ATP2B2: variants seen among roughly 807,000 people sequenced by gnomAD.
ATP2B2 encodes plasma membrane calcium-transporting ATPase 2.
Under a neutral mutation model 120.0 loss-of-function variants are expected in ATP2B2, and 15 were observed. That is an observed-to-expected ratio of 0.12 (90% confidence interval 0.08 to 0.19). The LOEUF is 0.19. Among genes scored for constraint, ATP2B2 ranks in the 10% least tolerant of loss-of-function variants. The pLI, the probability that ATP2B2 is intolerant of heterozygous loss-of-function variation, is 1.00. For synonymous variants in ATP2B2, 694 were observed against 700.3 expected, an observed-to-expected ratio of 0.99 and a Z score of 0.14; for missense variants, 1,045 against 1,719.8, an observed-to-expected ratio of 0.61 and a Z score of 6.94.
intron 1 of ATP2B2, among the ~76,000 whole-genome samples, chr3:10,675,985 T>C (rs1006879066): frequency 6.6e-6 from 1 of 152,210 alleles, no homozygotes; most frequent in African/African-American, 2.4e-5. Context: ...AAGCTTTCCC[T>C]TTGTGATTGG....
intron 1 of ATP2B2, among the ~76,000 whole-genome samples, chr3:10,645,166 C>T (rs994134978): frequency 7.2e-5 from 11 of 152,050 alleles, no homozygotes; most frequent in East Asian, 1.9e-4. Context: ...AAATGTCAAC[C>T]ATAGGTGAAG....
intron 1 of ATP2B2, among the ~76,000 whole-genome samples, chr3:10,656,567 T>G (rs2070633818): frequency 6.6e-6 from 1 of 152,190 alleles, no homozygotes. Flanking sequence ...ACCAGTCAAA[T>G]GCAGTAATTT....
chr3:10,379,425 G>C (rs1374916521), intron 8 of ATP2B2, 141 bp from the exon 9 acceptor site: 2 of 943,014 alleles, frequency 2.1e-6, no homozygotes, highest in Middle Eastern at 2.1e-4. Flanking sequence ...GTGGGGATAC[G>C]GGTTGGGGAG....
intron 2 of ATP2B2, among the ~76,000 whole-genome samples, chr3:10,543,771 C>G (rs2067486699): frequency 6.7e-6 from 1 of 150,282 alleles, no homozygotes; most frequent in Non-Finnish European, 1.5e-5. Flanking sequence ...CAGAGTCTCA[C>G]TCTGTCACCC....
intron 1 of ATP2B2, among the ~76,000 whole-genome samples, chr3:10,673,498 CAGAG>C (rs58286719): frequency 6.2e-5 from 9 of 146,234 alleles, no homozygotes; most frequent in East Asian, 2.0e-4. Context: ...GAGAGAAAGA[CAGAG>C]AGAGAGAGAG....
chr3:10,421,517 A>G (rs2062979654), intron 2 of ATP2B2, among the ~76,000 whole-genome samples: 1 of 152,146 alleles, frequency 6.6e-6, no homozygotes, highest in Admixed American at 6.5e-5. Context: ...AAGGCTGGAG[A>G]AGGAGAAACT....
chr3:10,475,169 TAGG>T (rs2065157094), intron 1 of ATP2B2, among the ~76,000 whole-genome samples: 1 of 152,020 alleles, frequency 6.6e-6, no homozygotes, highest in Admixed American at 6.5e-5. Flanking sequence ...GCCACTGCAG[TAGG>T]AGGAGGAAAA....
At chr3:10,467,110 T>C (rs1022891291) in intron 1 of ATP2B2, among the ~76,000 whole-genome samples, 1 of 152,248 alleles carries the variant, frequency 6.6e-6, no homozygotes, top group African/African-American at 2.4e-5. Flanking sequence ...GATAAGTCTT[T>C]GACACTGGAT....
intron 5 of ATP2B2, among the ~76,000 whole-genome samples, chr3:10,390,220 C>T (rs772488818): frequency 5.3e-5 from 8 of 152,154 alleles, no homozygotes; most frequent in African/African-American, 1.4e-4. Flanking sequence ...TCTGTCCCCT[C>T]GAGACTAGGT....
At chr3:10,660,493 T>C (rs1051708997) in intron 1 of ATP2B2, among the ~76,000 whole-genome samples, 1 of 151,834 alleles carries the variant, frequency 6.6e-6, no homozygotes, top group African/African-American at 2.4e-5. Flanking sequence ...AACTAGAAAA[T>C]CTAGAAGAAA....
chr3:10,568,361 C>A (rs1014957922), intron 2 of ATP2B2, among the ~76,000 whole-genome samples: 1 of 152,174 alleles, frequency 6.6e-6, no homozygotes, highest in Admixed American at 6.5e-5. Flanking sequence ...GTTTTCAAAG[C>A]AGCTTTTAGG....
intron 1 of ATP2B2, among the ~76,000 whole-genome samples, chr3:10,464,272 G>A (rs186464461): frequency 7.9e-5 from 12 of 152,176 alleles, no homozygotes; most frequent in African/African-American, 2.9e-4. Flanking sequence ...GGGTGGGGGT[G>A]GGGGCTGCTA....
rs560327703 is a variant in ATP2B2, at chr3:10,590,633, T to C, written c.-415+29284A>G. On this transcript the variant is annotated intron_variant, in intron 2 of 21. Coordinates refer to the ATP2B2 transcript ENST00000646379. ...TGGATTCACTCTGCGTCGTTCTTAG[T>C]GGAAGACTGCTCTCAGTGGCCACCC... Among the ~76,000 whole-genome samples the C allele has an allele frequency of 1.9e-4, 29 of 152,318 alleles. No homozygotes were observed. In the East Asian group the frequency reaches 5.4e-3, roughly 28 times the overall value.
intron 3 of ATP2B2, among the ~76,000 whole-genome samples, chr3:10,530,561 C>T (rs1232215226): frequency 6.6e-6 from 1 of 152,244 alleles, no homozygotes; most frequent in Admixed American, 6.5e-5. Context: ...GAGTTTTAGA[C>T]TGGGGCAGTC....
intron 1 of ATP2B2, among the ~76,000 whole-genome samples, chr3:10,633,097 G>T (rs13099701): frequency 3.9e-5 from 6 of 152,098 alleles, no homozygotes; most frequent in Admixed American, 3.9e-4. Context: ...CCTGAGCCAT[G>T]TGGGCCTGGG....
In ATP2B2 at chr3:10,618,568, G is replaced by A. The variant is rs145508631; in HGVS notation, c.-415+1349C>T. 5.8e-3 allele frequency among the ~76,000 whole-genome samples: 881 copies of A among 152,284 alleles called. 7 individuals are homozygous for A. The highest frequency in any genetic ancestry group is 0.02 in the African/African-American group (817 of 41,544). ...TTTAGCTCACGGCAGCAGCAAAATC[G>A]GAGGAGGAAGCATGCTTCGCCCCTG... On this transcript the variant is annotated intron_variant, in intron 2 of 21. Coordinates refer to the ATP2B2 transcript ENST00000646379.
At chr3:10,490,358 C>G (rs1241672609) in intron 1 of ATP2B2, among the ~76,000 whole-genome samples, 1 of 150,360 alleles carries the variant, frequency 6.7e-6, no homozygotes, top group Non-Finnish European at 1.5e-5. Flanking sequence ...TCAAATAAGT[C>G]AAGCAAAACA....
chr3:10,635,157 C>G lies in ATP2B2; in HGVS notation c.-459-15196G>C, dbSNP rs150743488. ...TGTGAGGATATGGAAAGTGTCACTA[C>G]TCAGCTCAAGGTTGCCTGAGCTTCC... On this transcript the variant is annotated intron_variant, in intron 1 of 21. Coordinates refer to the ATP2B2 transcript ENST00000646379. This position sits in a 1 kb window ranked among gnomAD's most constrained non-coding sequence, Gnocchi z 4.3. 3.2e-4 allele frequency among the ~76,000 whole-genome samples: 48 copies of G among 152,192 alleles called. 1 individual carries two copies. The highest frequency in any genetic ancestry group is 1.1e-3 in the African/African-American group (47 of 41,524).
intron 1 of ATP2B2, among the ~76,000 whole-genome samples, chr3:10,670,713 G>T (rs1212106935): frequency 6.6e-6 from 1 of 152,188 alleles, no homozygotes; most frequent in East Asian, 1.9e-4. Context: ...GAGCCACGGG[G>T]CCCGGCCCTG....
Sources: allele counts gnomAD v4.1 joint callset (sites outside exome capture counted in the v4.1 genomes callset), GRCh38; gene constraint gnomAD v4.1.1; non-coding constraint Gnocchi (gnomAD v3.1); transcripts MANE v1.5; gene names NCBI Gene and HGNC (gene_info 2026-07-23, HGNC 2026-07-21).